MYO18B: variants seen among roughly 807,000 people sequenced by gnomAD.
The protein encoded by MYO18B is myosin XVIIIB, also known as unconventional myosin-XVIIIb.
In MYO18B, 204 loss-of-function variants were observed where a neutral mutation model predicts 273.0. The ratio of observed to expected loss-of-function variants is 0.75; its 90% CI spans 0.67 to 0.84. MYO18B has a LOEUF of 0.84. Ranked by LOEUF, MYO18B falls within the 40% of genes least tolerant of loss-of-function variation. The pLI, the probability that MYO18B is intolerant of heterozygous loss-of-function variation, is 0.00. For synonymous variants in MYO18B, 1,330 were observed against 1,305.7 expected (o/e 1.02, Z -0.40); for missense variants, 3,212 against 3,287.6 (o/e 0.98, Z 0.56).
intron 23 of MYO18B, among the ~76,000 whole-genome samples, chr22:25,875,531 C>T (rs116613612): frequency 4.4e-3 from 672 of 151,756 alleles, no homozygotes; most frequent in African/African-American, 0.016. Flanking sequence ...AAGAATGAAG[C>T]GGGTCAATGC....
intron 39 of MYO18B, chr22:25,959,334 A>C (rs999369957): frequency 1.4e-5 from 2 of 144,922 alleles, no homozygotes; most frequent in African/African-American, 5.2e-5. Context: ...GTGCAGTGGC[A>C]CAGTCATAGC....
At chr22:26,040,718 G>T in the MYO18B span, among the ~76,000 whole-genome samples, 1 of 152,212 alleles carries the variant, frequency 6.6e-6, no homozygotes, top group Admixed American at 6.5e-5. Flanking sequence ...AGAGGGAACA[G>T]TCAATGCAAA....
At chr22:25,943,880 C>T (rs547795070) in intron 34 of MYO18B, among the ~76,000 whole-genome samples, 17 of 151,970 alleles carry the variant, frequency 1.1e-4, no homozygotes, top group South Asian at 2.1e-4. Context: ...CCACCATACC[C>T]GGCTAATTTT....
At chr22:25,792,227 T>C (rs1432351913) in intron 11 of MYO18B, among the ~76,000 whole-genome samples, 10 of 152,152 alleles carry the variant, frequency 6.6e-5, no homozygotes, top group Non-Finnish European at 2.9e-5. Context: ...TGAGTCTCCA[T>C]TGCCTCCTCT....
chr22:25,755,466 A>G (rs144185248), intron 1 of MYO18B, among the ~76,000 whole-genome samples: 4,962 of 152,268 alleles, frequency 0.033, 199 homozygotes, highest in African/African-American at 0.092. Flanking sequence ...TCGGCCTCCC[A>G]AAGTGTTGGA....
chr22:26,023,366 G>A (rs1269435595), intron 42 of MYO18B, among the ~76,000 whole-genome samples: 1 of 152,218 alleles, frequency 6.6e-6, no homozygotes, highest in Non-Finnish European at 1.5e-5. Flanking sequence ...CGGAGGTGCA[G>A]AAATGAGAGT....
At position 25,798,126 on chromosome 22, in the gene MYO18B, G is replaced by A. The variant is rs738644; in HGVS notation, c.2521+29G>A. 1,067,806 of 1,577,148 alleles carry A rather than the reference G, an allele frequency of 0.68. 367,587 individuals are homozygous for A. Among genetic ancestry groups the A allele is most frequent in the Non-Finnish European group, 0.71 (818,423 of 1,157,832 alleles). On this transcript the variant is annotated intron_variant, in intron 12 of 43. Coordinates refer to ENST00000335473, the MANE Select transcript of MYO18B (RefSeq NM_032608.7). ...CGTCCTTCCTGCCGGGCTCACCTGG[G>A]AGGGCAGCTGTCTCCTTTGGCAGGT...
downstream of MYO18B, among the ~76,000 whole-genome samples, chr22:26,034,212 C>T (rs1449910335): frequency 2.0e-5 from 3 of 152,150 alleles, no homozygotes; most frequent in African/African-American, 7.2e-5. Flanking sequence ...ATGCAGTGGG[C>T]CCTGATGTCA....
At chr22:25,975,151 G>T (rs1365936155) in intron 39 of MYO18B, among the ~76,000 whole-genome samples, 1 of 152,158 alleles carries the variant, frequency 6.6e-6, no homozygotes, top group African/African-American at 2.4e-5. Context: ...ATTTGATGAG[G>T]CTGTTCATCC....
In MYO18B at chr22:25,799,368, G is replaced by C. The variant is rs565286239; in HGVS notation, c.2521+1271G>C. On this transcript the variant is annotated intron_variant, in intron 12 of 43. Coordinates refer to ENST00000335473, the MANE Select transcript of MYO18B (RefSeq NM_032608.7). ...TCCTCACCTCCTCACCTCAAAAGCT[G>C]CTCCCTTTTTTGGCAATATAGAAGG... Among the ~76,000 whole-genome samples, 11 of 152,246 alleles carry C rather than the reference G, an allele frequency of 7.2e-5. 1 individual carries two copies. The South Asian group carries it at 2.1e-3, about 29-fold the overall frequency.
At chr22:25,861,968 C>A (rs1177061830) in intron 21 of MYO18B, among the ~76,000 whole-genome samples, 1 of 152,070 alleles carries the variant, frequency 6.6e-6, no homozygotes, top group African/African-American at 2.4e-5. Flanking sequence ...TATCCATGAA[C>A]TGAACCAACA....
chr22:26,021,670 G>C (rs908913211), intron 42 of MYO18B, among the ~76,000 whole-genome samples: 1 of 152,232 alleles, frequency 6.6e-6, no homozygotes, highest in Non-Finnish European at 1.5e-5. Flanking sequence ...GGAAGCTGAG[G>C]GTTAGAGAAG....
At chr22:25,987,348 A>G (rs1462194755) in intron 39 of MYO18B, among the ~76,000 whole-genome samples, 1 of 152,212 alleles carries the variant, frequency 6.6e-6, no homozygotes, top group Non-Finnish European at 1.5e-5. Flanking sequence ...TATGCTCCAG[A>G]GGGAGTAGCC....
intron 11 of MYO18B, among the ~76,000 whole-genome samples, chr22:25,793,350 T>C (rs1206571477): frequency 6.6e-6 from 1 of 152,226 alleles, no homozygotes; most frequent in Non-Finnish European, 1.5e-5. Flanking sequence ...TTCTCCTGGC[T>C]CAGCCTCCCA....
At chr22:25,965,498 T>G (rs1342826192) in intron 39 of MYO18B, among the ~76,000 whole-genome samples, 1 of 152,248 alleles carries the variant, frequency 6.6e-6, no homozygotes, top group Non-Finnish European at 1.5e-5. Flanking sequence ...GGTGGATTCC[T>G]GGCTTGTAGT....
intron 9 of MYO18B, 75 bp from the exon 10 acceptor site, chr22:25,781,659 T>G: frequency 1.1e-6 from 1 of 886,300 alleles, no homozygotes; most frequent in South Asian, 2.8e-5. Flanking sequence ...CAATGGGGCT[T>G]CTGGGTAGCT....
intron 7 of MYO18B, among the ~76,000 whole-genome samples, chr22:25,775,406 A>C (rs996962037): frequency 8.5e-5 from 13 of 152,306 alleles, no homozygotes; most frequent in Non-Finnish European, 1.9e-4. Context: ...AGTTCGGCCA[A>C]AGGACTGCGC....
chr22:25,820,903 G>C (rs1467085024), intron 12 of MYO18B, among the ~76,000 whole-genome samples: 1 of 151,500 alleles, frequency 6.6e-6, no homozygotes, highest in Non-Finnish European at 1.5e-5. Context: ...TTTTTTTTTA[G>C]CTTCCACATA....
At chr22:25,962,369 G>A (rs1450447923) in intron 39 of MYO18B, among the ~76,000 whole-genome samples, 1 of 152,156 alleles carries the variant, frequency 6.6e-6, no homozygotes, top group Admixed American at 6.5e-5. Flanking sequence ...CTTGACTCGG[G>A]CTGCAACCTC....
Sources: allele counts gnomAD v4.1 joint callset (sites outside exome capture counted in the v4.1 genomes callset), GRCh38; gene constraint gnomAD v4.1.1; transcripts MANE v1.5; gene names NCBI Gene and HGNC (gene_info 2026-07-23, HGNC 2026-07-21).